Variants in NRCAM observed in about 807,000 individuals in gnomAD.
NRCAM encodes the protein neuronal cell adhesion molecule.
NRCAM carries 83 observed loss-of-function variants against 156.5 expected under a neutral mutation model. That is an observed-to-expected ratio of 0.53 (90% confidence interval 0.44 to 0.64). NRCAM has a LOEUF of 0.64. Ranked by LOEUF, NRCAM falls within the 30% of genes least tolerant of loss-of-function variation. The pLI is 0.00. For missense variants in NRCAM, 1,417 were observed against 1,597.3 expected (o/e 0.89, Z 1.92); for synonymous variants, 538 against 563.9 (o/e 0.95, Z 0.65).
chr7:108,211,289 C>CA (rs920928624), intron 11 of NRCAM, among the ~76,000 whole-genome samples: 41 of 152,224 alleles, frequency 2.7e-4, no homozygotes, highest in African/African-American at 9.6e-4. Context: ...AGAGATCCTT[C>CA]AGGAGGGCAG....
rs146359133 is a variant in NRCAM, at chr7:108,191,759, C to T, written c.1873G>A (p.Val625Ile). The change falls in exon 18 of 33, where the codon GTC becomes ATC. Residue 625 changes from valine to isoleucine, a missense_variant. Physicochemically the swap from Val to Ile is conservative, Grantham distance 29. Coordinates refer to ENST00000379028, the MANE Select transcript of NRCAM (RefSeq NM_001037132.4). The part of the protein sequence containing the change: ...TCVANTTLDS[V>I]SASAVLSVVA... Reference sequence around the variant, plus strand: ...ACGCTAAGCACAGCGCTGGCGGAGACGCTGTCCAGAGTGGTGTTGGCCACA... The same window carrying T: ...ACGCTAAGCACAGCGCTGGCGGAGATGCTGTCCAGAGTGGTGTTGGCCACA... 6.0e-5 allele frequency: 97 copies of T among 1,613,882 alleles called. No homozygotes were observed. Among genetic ancestry groups the T allele is most frequent in the Middle Eastern group, 1.7e-4 (1 of 6,016 alleles).
At chr7:108,336,453 C>A (rs1444312587) in intron 2 of NRCAM, among the ~76,000 whole-genome samples, 1 of 152,192 alleles carries the variant, frequency 6.6e-6, no homozygotes, top group Non-Finnish European at 1.5e-5. Flanking sequence ...AAACGACTTG[C>A]CTTTCAAACA....
Position 108,178,493 on chromosome 7 carries a change from T to C in NRCAM, c.2852-381A>G, listed in dbSNP as rs192379805. The stretch of plus-strand genomic sequence containing the variant: ...GATCTGAGTGGAAGCAGCTGTGTTC[T>C]GGACCATTAAGGACTGTTTTCTCTA... On this transcript the variant is annotated intron_variant, in intron 25 of 32. Transcript: ENST00000379028. The C allele has an allele frequency of 5.7e-4, 175 of 306,012 alleles. 1 individual carries two copies. Among genetic ancestry groups the C allele is most frequent in the African/African-American group, 3.6e-3 (164 of 45,286 alleles). 19.0% of individuals were successfully genotyped at this position (306,012 alleles called of 1,614,324 possible). A position where few individuals can be genotyped will look rare whatever the true frequency, so the allele number is the denominator to read the frequency against.
intron 1 of NRCAM, among the ~76,000 whole-genome samples, chr7:108,446,504 T>A (rs1388227656): frequency 6.6e-6 from 1 of 152,176 alleles, no homozygotes; most frequent in African/African-American, 2.4e-5. Flanking sequence ...CATACCACCA[T>A]GCATAATGTG....
At chr7:108,277,167 A>AT (rs2097665728) in intron 3 of NRCAM, among the ~76,000 whole-genome samples, 1 of 151,744 alleles carries the variant, frequency 6.6e-6, no homozygotes, top group South Asian at 2.1e-4. Context: ...TGCCCTTAAC[A>AT]TTTTTTCCTT....
chr7:108,407,661 T>G (rs921529632), intron 1 of NRCAM, among the ~76,000 whole-genome samples: 4 of 152,158 alleles, frequency 2.6e-5, no homozygotes, highest in Non-Finnish European at 5.9e-5. Context: ...CAGCTAGAAG[T>G]TATGTGCTTA....
rs1370096346 is a variant in NRCAM at position 108,293,651 on chromosome 7, G to A, written c.-107+19014C>T. Among the ~76,000 whole-genome samples, 5 of 152,248 alleles carry A rather than the reference G, an allele frequency of 3.3e-5. No individual in the cohort carries two copies. In the South Asian group the frequency reaches 8.3e-4, roughly 25 times the overall value. On this transcript the variant is annotated intron_variant, in intron 3 of 32. Transcript: ENST00000379028. ...CAGTAAATTTGATAACTGCCAACAG[G>A]ACTGTGTAAAGTAACTAAAATTCAC...
chr7:108,279,513 T>C (rs1461945722), intron 3 of NRCAM, among the ~76,000 whole-genome samples: 2 of 152,086 alleles, frequency 1.3e-5, no homozygotes, highest in Non-Finnish European at 2.9e-5. Flanking sequence ...CTGTTTTTTT[T>C]TGGTTGTTGT....
At chr7:108,226,182 G>A (rs774131509) in intron 9 of NRCAM, 26 bp downstream of exon 9, 18 of 1,515,482 alleles carry the variant, frequency 1.2e-5, no homozygotes, top group Non-Finnish European at 1.5e-5. Context: ...TCATTGAAGG[G>A]GAGATTTGGG....
At chr7:108,343,931 A>T (rs1196270327) in intron 2 of NRCAM, among the ~76,000 whole-genome samples, 2 of 152,164 alleles carry the variant, frequency 1.3e-5, no homozygotes, top group Non-Finnish European at 2.9e-5. Context: ...AAGCTGTAAA[A>T]CTACACATCG....
chr7:108,279,505 GTT>G (rs113721532), intron 3 of NRCAM, among the ~76,000 whole-genome samples: 1 of 150,718 alleles, frequency 6.6e-6, no homozygotes, highest in Non-Finnish European at 1.5e-5. Context: ...ATGCAACACT[GTT>G]TTTTTTTGGT....
intron 3 of NRCAM, among the ~76,000 whole-genome samples, chr7:108,249,261 A>T (rs1419346644): frequency 6.6e-6 from 1 of 152,242 alleles, no homozygotes; most frequent in Non-Finnish European, 1.5e-5. Context: ...ATAGAGATGG[A>T]CATGACATGA....
At chr7:108,263,262 A>G (rs1287039923) in intron 3 of NRCAM, among the ~76,000 whole-genome samples, 1 of 152,262 alleles carries the variant, frequency 6.6e-6, no homozygotes, top group African/African-American at 2.4e-5. Flanking sequence ...ACACCTTCAC[A>G]GAAAAGAATT....
At chr7:108,290,972 A>G (rs1402764555) in intron 3 of NRCAM, among the ~76,000 whole-genome samples, 1 of 152,222 alleles carries the variant, frequency 6.6e-6, no homozygotes, top group Non-Finnish European at 1.5e-5. Flanking sequence ...TGGAGTTAAG[A>G]GTGCTCACAT....
At chr7:108,390,513 T>A (rs1027899558) in intron 2 of NRCAM, among the ~76,000 whole-genome samples, 13 of 152,226 alleles carry the variant, frequency 8.5e-5, no homozygotes, top group African/African-American at 2.2e-4. Context: ...TTGATTTTTT[T>A]AAAAAACCAG....
chr7:108,187,490 G>C (rs1483040066), intron 20 of NRCAM, among the ~76,000 whole-genome samples: 3 of 152,132 alleles, frequency 2.0e-5, no homozygotes, highest in East Asian at 3.8e-4. Flanking sequence ...TGTTCTTTTA[G>C]TGTGGCCTTT....
At chr7:108,392,759 G>A (rs561132027) in intron 2 of NRCAM, among the ~76,000 whole-genome samples, 39 of 152,114 alleles carry the variant, frequency 2.6e-4, no homozygotes, top group Non-Finnish European at 8.8e-5. Context: ...TGTGGATGTC[G>A]TTTCTGTTTG....
chr7:108,438,985 A>C (rs1835431329), intron 1 of NRCAM, among the ~76,000 whole-genome samples: 1 of 152,198 alleles, frequency 6.6e-6, no homozygotes. Flanking sequence ...AATCTAAATA[A>C]ATAGACATTA....
chr7:108,226,899 C>T (rs16872444), intron 8 of NRCAM, among the ~76,000 whole-genome samples: 2,611 of 152,250 alleles, frequency 0.017, 77 homozygotes, highest in African/African-American at 0.059. Context: ...GCTCATCATC[C>T]AGTTGAAGAA....
Sources: allele counts gnomAD v4.1 joint callset (sites outside exome capture counted in the v4.1 genomes callset), GRCh38; gene constraint gnomAD v4.1.1; transcripts MANE v1.5; gene names NCBI Gene and HGNC (gene_info 2026-07-23, HGNC 2026-07-21).